USH2A: variants seen among roughly 807,000 people sequenced by gnomAD.
USH2A encodes Usher syndrome 2A (autosomal recessive, mild).
Under a neutral mutation model 538.9 loss-of-function variants are expected in USH2A, and 443 were observed. The ratio of observed to expected loss-of-function variants is 0.82; its 90% confidence interval spans 0.76 to 0.89. USH2A has a LOEUF of 0.89. USH2A is among the 40% of genes least tolerant of loss of function. USH2A has a pLI of 0.00. For missense variants in USH2A, 6,633 were observed against 6,324.8 expected, an observed-to-expected ratio of 1.05 and a Z score of -1.65; for synonymous variants, 2,413 against 2,273.5, an observed-to-expected ratio of 1.06 and a Z score of -1.75.
intron 3 of USH2A, among the ~76,000 whole-genome samples, chr1:216,368,905 A>G (rs1160713171): frequency 2.6e-5 from 4 of 152,194 alleles, no homozygotes; most frequent in African/African-American, 9.6e-5. Flanking sequence ...GGCCTCATTT[A>G]AAGCAAAACC....
chr1:216,090,784 C>T (rs910193710), intron 22 of USH2A, among the ~76,000 whole-genome samples: 6 of 152,154 alleles, frequency 3.9e-5, no homozygotes. Flanking sequence ...GGATTACTAG[C>T]ATGGGATGCT....
intron 49 of USH2A, among the ~76,000 whole-genome samples, chr1:215,804,253 G>A (rs1015845367): frequency 1.3e-5 from 2 of 151,850 alleles, no homozygotes; most frequent in African/African-American, 4.8e-5. Context: ...AACACCAAAA[G>A]CAATGGCAAC....
intron 9 of USH2A, 65 bp from the exon 10 acceptor site, chr1:216,292,435 A>G: frequency 6.5e-7 from 1 of 1,532,038 alleles, no homozygotes; most frequent in Non-Finnish European, 8.9e-7. Context: ...TTTTATTGAT[A>G]TGTTAGGCCT....
At chr1:215,813,936 T>C (rs779119336) in intron 48 of USH2A, 32 bp from the exon 49 acceptor site, 11 of 1,609,682 alleles carry the variant, frequency 6.8e-6, no homozygotes, top group Admixed American at 5.0e-5. Context: ...TAAAGAAATA[T>C]CAGTTTAGTT....
chr1:215,884,283 A>C lies in USH2A; in HGVS notation c.8223+4143T>G, dbSNP rs370829907. ...CCAGTTTGAAATAAAACAAACAAAA[A>C]ACATCGGCATTCTGATTTGAATGAT... On this transcript the variant is annotated intron_variant, in intron 41 of 71. Coordinates refer to ENST00000307340, the MANE Select transcript of USH2A (RefSeq NM_206933.4). Among the ~76,000 whole-genome samples the C allele has an allele frequency of 2.1e-4, 32 of 152,336 alleles. No homozygotes were observed. In the East Asian group the frequency reaches 2.5e-3, roughly 12 times the overall value.
rs890683109 is a variant in USH2A at position 215,623,859 on chromosome 1, C to A, written c.*1922G>T. 6 of 152,106 alleles carry A rather than the reference C, an allele frequency of 3.9e-5. No individual in the cohort carries two copies. The highest frequency in any genetic ancestry group is 1.4e-4 in the African/African-American group (6 of 41,426). The allele number at this position is 152,106 out of a possible 1,614,324, so 9.4% of individuals were successfully genotyped here. ...GATAAACTCAATCTTCTGAACCTAG[C>A]AAAGCATATTTGTAGACTATTCTTT... On this transcript the variant is annotated 3_prime_UTR_variant, in exon 72 of 72. Transcript: ENST00000307340.
intron 46 of USH2A, among the ~76,000 whole-genome samples, chr1:215,839,052 G>A (rs965185556): frequency 4.6e-5 from 7 of 152,160 alleles, no homozygotes; most frequent in Middle Eastern, 3.4e-3. Flanking sequence ...TTTATTCATA[G>A]GGTACCTAAA....
intron 9 of USH2A, among the ~76,000 whole-genome samples, chr1:216,309,673 A>G (rs2037384895): frequency 6.6e-6 from 1 of 151,690 alleles, no homozygotes. Flanking sequence ...TATGATGTTC[A>G]CTCTAGGTTT....
intron 20 of USH2A, among the ~76,000 whole-genome samples, chr1:216,188,241 T>C (rs543679508): frequency 5.7e-4 from 87 of 152,032 alleles, no homozygotes; most frequent in African/African-American, 1.9e-3. Context: ...GCACAGATGT[T>C]ACCACTAATG....
rs2034194937 is a variant in USH2A at position 216,167,556 on chromosome 1, C to A, written c.4627+7696G>T. Among the ~76,000 whole-genome samples the A allele has an allele frequency of 1.3e-5, 2 of 152,176 alleles. 1 individual carries two copies. The highest frequency in any genetic ancestry group is 1.3e-4 in the Admixed American group (2 of 15,278). On this transcript the variant is annotated intron_variant, in intron 21 of 71. Transcript: ENST00000307340. ...AACACACTGGACATTCAACTTCTCC[C>A]AATTGCTGGCAGACTACTGTACACG...
At chr1:215,847,060 C>T (rs1388471770) in intron 44 of USH2A, among the ~76,000 whole-genome samples, 1 of 152,128 alleles carries the variant, frequency 6.6e-6, no homozygotes, top group Admixed American at 6.5e-5. Context: ...GCAAATATAA[C>T]TCATCAATTC....
chr1:216,241,789 C>A (rs926846869), intron 13 of USH2A, among the ~76,000 whole-genome samples: 1 of 152,164 alleles, frequency 6.6e-6, no homozygotes, highest in Non-Finnish European at 1.5e-5. Context: ...CCGCCTCAGC[C>A]TCTCAGTGCT....
chr1:215,781,511 C>T (rs1661634509), intron 54 of USH2A, among the ~76,000 whole-genome samples: 2 of 152,028 alleles, frequency 1.3e-5, no homozygotes, highest in Admixed American at 1.3e-4. Flanking sequence ...ATTTTATCCC[C>T]CATGTCTGTT....
intron 21 of USH2A, among the ~76,000 whole-genome samples, chr1:216,130,603 GTATATATAC>G (rs1354519440): frequency 7.0e-6 from 1 of 143,486 alleles, no homozygotes; most frequent in Non-Finnish European, 1.5e-5. Flanking sequence ...TATATCATGT[GTATATATAC>G]TATATATATA....
intron 55 of USH2A, among the ~76,000 whole-genome samples, chr1:215,769,942 T>A (rs1407433570): frequency 2.6e-5 from 4 of 152,188 alleles, no homozygotes; most frequent in Admixed American, 2.0e-4. Context: ...TCAAGAGCTG[T>A]GTCTGTCCCT....
intron 64 of USH2A, among the ~76,000 whole-genome samples, chr1:215,653,674 C>G (rs931103992): frequency 6.6e-6 from 1 of 152,172 alleles, no homozygotes; most frequent in African/African-American, 2.4e-5. Context: ...GTCTCTCTGT[C>G]TTTGTCTCTG....
chr1:216,155,640 A>T (rs1013449960), intron 21 of USH2A, among the ~76,000 whole-genome samples: 4 of 152,090 alleles, frequency 2.6e-5, no homozygotes, highest in African/African-American at 9.7e-5. Context: ...CTTCAGAGAG[A>T]CTGATTTGAG....
At position 215,952,143 on chromosome 1, in the gene USH2A, C is replaced by T. The variant is rs566130511; in HGVS notation, c.7120+13174G>A. 1.1e-4 allele frequency among the ~76,000 whole-genome samples: 16 copies of T among 152,280 alleles called. No homozygotes were observed. The South Asian group carries it at 2.1e-3, about 20-fold the overall frequency. ...CCTCCCAAAGTGCTGGGATTACAGG[C>T]GTGAGCCACCGCGCCCGGCCTGGTT... On this transcript the variant is annotated intron_variant, in intron 37 of 71. Coordinates refer to ENST00000307340, the MANE Select transcript of USH2A (RefSeq NM_206933.4).
chr1:215,855,468 A>G (rs1194221812), intron 44 of USH2A, among the ~76,000 whole-genome samples: 5 of 152,204 alleles, frequency 3.3e-5, no homozygotes, highest in African/African-American at 9.6e-5. Context: ...TCTATAAGGA[A>G]AACTATAAAA....
Sources: gnomAD v4.1 joint callset for allele counts (sites outside exome capture counted in the v4.1 genomes callset) on GRCh38, gnomAD v4.1.1 for gene constraint, MANE v1.5 for transcripts, NCBI Gene and HGNC (gene_info 2026-07-23, HGNC 2026-07-21) for gene names.